SCAMP1: variants seen among roughly 807,000 people sequenced by gnomAD.
The protein encoded by SCAMP1 is secretory carrier-associated membrane protein 1.
A neutral mutation model predicts 41.8 loss-of-function variants in SCAMP1; 15 were observed. That is an observed-to-expected ratio of 0.36 (90% CI 0.24 to 0.55). The LOEUF is 0.55. Among genes scored for constraint, SCAMP1 ranks in the 20% least tolerant of loss-of-function variants. SCAMP1 has a pLI of 0.86. For synonymous variants in SCAMP1, 135 were observed against 136.8 expected (o/e 0.99, Z 0.09); for missense variants, 341 against 412.6 (o/e 0.83, Z 1.50).
chr5:78,391,550 A>G (rs1437488980), intron 2 of SCAMP1, among the ~76,000 whole-genome samples: 1 of 149,454 alleles, frequency 6.7e-6, no homozygotes, highest in Non-Finnish European at 1.5e-5. Flanking sequence ...GGGGCTCTTC[A>G]CTTCTCAGAC....
chr5:78,372,230 G>A (rs1328589986), intron 1 of SCAMP1, among the ~76,000 whole-genome samples: 1 of 152,204 alleles, frequency 6.6e-6, no homozygotes, highest in Non-Finnish European at 1.5e-5. Context: ...GGGATATATG[G>A]AGAGCACTGT....
In SCAMP1 at chr5:78,458,593, A is replaced by AT. The variant is rs749047228; in HGVS notation, c.735-651dup. ...GAATTGAAAATAAACATTTAAAAAA[A>AT]TGTAATAATAGGCCAGGTGCAGTGG... On this transcript the variant is annotated intron_variant, in intron 7 of 8. Coordinates refer to ENST00000621999, the MANE Select transcript of SCAMP1 (RefSeq NM_004866.6). Among the ~76,000 whole-genome samples, 14 of 152,350 alleles carry AT rather than the reference A, an allele frequency of 9.2e-5. No individual in the cohort carries two copies. In the East Asian group the frequency reaches 1.5e-3, roughly 17 times the overall value.
In SCAMP1 at chr5:78,402,195, TG is replaced by T. The variant is rs1751815502; in HGVS notation, c.135+13282del. On this transcript the variant is annotated intron_variant, in intron 2 of 8. Coordinates refer to ENST00000621999, the MANE Select transcript of SCAMP1 (RefSeq NM_004866.6). ...CTTGTTTGAGAGTAAATACTATATTTGTTTTTTTTTTTTTAATTTGTTAAGG... is the reference window on the plus strand; with the variant it reads ...CTTGTTTGAGAGTAAATACTATATTTTTTTTTTTTTTTTAATTTGTTAAGG... Among the ~76,000 whole-genome samples the T allele has an allele frequency of 3.3e-5, 5 of 150,528 alleles. 1 individual carries two copies. The highest frequency in any genetic ancestry group is 4.1e-4 in the South Asian group (2 of 4,828).
chr5:78,400,011 A>C (rs185216592), intron 2 of SCAMP1, among the ~76,000 whole-genome samples: 3 of 152,242 alleles, frequency 2.0e-5, no homozygotes, highest in Admixed American at 2.0e-4. Context: ...GCTGGTCTTG[A>C]ACTCTTAAGC....
At chr5:78,475,449 G>A in intron 8 of SCAMP1, 55 bp from the exon 9 acceptor site, 1 of 1,331,834 alleles carries the variant, frequency 7.5e-7, no homozygotes, top group Non-Finnish European at 1.0e-6. Context: ...AGAGCTGCTG[G>A]AAATGAATGC....
intron 2 of SCAMP1, among the ~76,000 whole-genome samples, chr5:78,414,005 T>C (rs1752146294): frequency 6.6e-6 from 1 of 152,000 alleles, no homozygotes; most frequent in Admixed American, 6.6e-5. Flanking sequence ...TATTGTTCTT[T>C]TCATGTTCCC....
chr5:78,441,413 A>C (rs1167034053), intron 6 of SCAMP1, among the ~76,000 whole-genome samples: 1 of 152,212 alleles, frequency 6.6e-6, no homozygotes, highest in African/African-American at 2.4e-5. Flanking sequence ...TTAGGGGGGA[A>C]AATGATGTTT....
At chr5:78,361,421 T>A (rs1750649325) in intron 1 of SCAMP1, among the ~76,000 whole-genome samples, 1 of 152,132 alleles carries the variant, frequency 6.6e-6, no homozygotes, top group South Asian at 2.1e-4. Flanking sequence ...CCCAGCTGCT[T>A]CTAGCAAGGT....
chr5:78,431,310 T>G (rs1166801154), intron 6 of SCAMP1, among the ~76,000 whole-genome samples: 1 of 151,684 alleles, frequency 6.6e-6, no homozygotes, highest in Non-Finnish European at 1.5e-5. Flanking sequence ...TGTAAAATGT[T>G]CAAAATGCTT....
chr5:78,443,306 T>C (rs915654365), intron 6 of SCAMP1, among the ~76,000 whole-genome samples: 2 of 152,164 alleles, frequency 1.3e-5, no homozygotes, highest in Non-Finnish European at 2.9e-5. Context: ...TTTGGATTAT[T>C]TGACCTCTCT....
At chr5:78,387,852 G>A (rs138028088) in intron 1 of SCAMP1, among the ~76,000 whole-genome samples, 6 of 152,340 alleles carry the variant, frequency 3.9e-5, no homozygotes, top group Non-Finnish European at 5.9e-5. Flanking sequence ...ACCTGTTCCC[G>A]TGGAGGTAGC....
At chr5:78,390,647 A>AT (rs906380654) in intron 2 of SCAMP1, among the ~76,000 whole-genome samples, 50 of 148,638 alleles carry the variant, frequency 3.4e-4, no homozygotes, top group African/African-American at 4.7e-4. Context: ...ATGAAAAGAG[A>AT]TTTTTTTTTC....
chr5:78,441,284 G>A (rs922908654), intron 6 of SCAMP1, among the ~76,000 whole-genome samples: 5 of 152,172 alleles, frequency 3.3e-5, no homozygotes, highest in South Asian at 2.1e-4. Flanking sequence ...CTTTTGTGTC[G>A]ATCATGCTGG....
intron 5 of SCAMP1, 145 bp downstream of exon 5, chr5:78,419,048 A>G: frequency 1.4e-6 from 1 of 713,718 alleles, no homozygotes; most frequent in Non-Finnish European, 2.2e-6. Context: ...AGTGAAACAT[A>G]TCCTATTTAG....
chr5:78,450,731 A>C (rs1753204745), intron 7 of SCAMP1, among the ~76,000 whole-genome samples: 1 of 152,178 alleles, frequency 6.6e-6, no homozygotes, highest in Non-Finnish European at 1.5e-5. Context: ...CTGTATTCTT[A>C]CATGTCAGAA....
rs1172412873 is a variant in SCAMP1, at chr5:78,388,848, T to C, written c.69T>C (p.Val23=). 6.5e-7 allele frequency: 1 copy of C among 1,534,890 alleles called. No individual in the cohort carries two copies. Among genetic ancestry groups the C allele is most frequent in the African/African-American group, 1.4e-5 (1 of 73,544 alleles). Residue 23 remains valine, a synonymous_variant, in exon 2 of 9, where the codon GTT becomes GTC. Coordinates refer to ENST00000621999, the MANE Select transcript of SCAMP1 (RefSeq NM_004866.6). ...DLNNPFKDPS[V]TQVTRNVPPG... ...GAATTTTATTCTAGGATCCATCAGT[T>C]ACACAAGTGACAAGAAATGTTCCAC...
At position 78,478,104 on chromosome 5, in the gene SCAMP1, G is replaced by C. The variant is rs1007325251; in HGVS notation, c.*2436G>C. ...ATTTGGGACTTGGATTATTTATCTA[G>C]AGATGTTTGTATATTTTGTCAGTAA... On this transcript the variant is annotated 3_prime_UTR_variant, in exon 9 of 9. Transcript: ENST00000621999. 6.6e-6 allele frequency: 1 copy of C among 152,566 alleles called. No individual in the cohort carries two copies. The highest frequency in any genetic ancestry group is 1.5e-5 in the Non-Finnish European group (1 of 67,970). 9.5% of individuals were successfully genotyped at this position (152,566 alleles called of 1,614,324 possible). A position where few individuals can be genotyped will look rare whatever the true frequency, so the allele number is the denominator to read the frequency against.
chr5:78,456,265 G>A (rs1351432742), intron 7 of SCAMP1, among the ~76,000 whole-genome samples: 1 of 148,794 alleles, frequency 6.7e-6, no homozygotes, highest in Non-Finnish European at 1.5e-5. Context: ...AGTTGATGCA[G>A]TTTCTTCCTA....
intron 1 of SCAMP1, among the ~76,000 whole-genome samples, chr5:78,377,507 AG>A (rs1751095526): frequency 6.6e-6 from 1 of 152,150 alleles, no homozygotes. Flanking sequence ...CCAATTCTAA[AG>A]ATAGTTGCCT....
Sources: allele counts gnomAD v4.1 joint callset (sites outside exome capture counted in the v4.1 genomes callset), GRCh38; gene constraint gnomAD v4.1.1; transcripts MANE v1.5; gene names NCBI Gene and HGNC (gene_info 2026-07-23, HGNC 2026-07-21).